The following NXPE2 variants were observed in gnomAD, a reference collection of about 807,000 sequenced individuals.
NXPE2 encodes the protein neurexophilin and PC-esterase domain family member 2.
A neutral mutation model predicts 34.4 loss-of-function variants in NXPE2; 34 were observed. The ratio of observed to expected loss-of-function variants is 0.99; its 90% CI spans 0.75 to 1.31. NXPE2 has a LOEUF of 1.31. Ranked by LOEUF, NXPE2 falls within the 40% of genes most tolerant of loss-of-function variation. NXPE2 has a pLI of 0.00. For synonymous variants in NXPE2, 235 were observed against 231.3 expected (o/e 1.02, Z -0.15); for missense variants, 649 against 672.5 (o/e 0.97, Z 0.39).
At chr11:114,579,122 G>A in the NXPE2 span, among the ~76,000 whole-genome samples, 3 of 152,142 alleles carry the variant, frequency 2.0e-5, no homozygotes, top group African/African-American at 4.8e-5. Context: ...TGGTGAGGCC[G>A]GGAAGCTTTT....
chr11:114,541,007 C>T, the NXPE2 span, among the ~76,000 whole-genome samples: 1 of 151,738 alleles, frequency 6.6e-6, no homozygotes, highest in Non-Finnish European at 1.5e-5. Flanking sequence ...GCTTAGATCT[C>T]TAGCTGACCC....
At chr11:114,652,090 A>C in the NXPE2 span, among the ~76,000 whole-genome samples, 56 of 151,844 alleles carry the variant, frequency 3.7e-4, no homozygotes, top group Non-Finnish European at 7.1e-4. Flanking sequence ...CAATACTTAA[A>C]TTTTTTTTTA....
the NXPE2 span, among the ~76,000 whole-genome samples, chr11:114,622,414 G>A: frequency 6.6e-6 from 1 of 151,962 alleles, no homozygotes; most frequent in Admixed American, 6.6e-5. Context: ...CTGTTACCCG[G>A]TGTATAATAA....
chr11:114,676,724 A>G (rs1369004841), upstream of NXPE2, among the ~76,000 whole-genome samples: 1 of 152,040 alleles, frequency 6.6e-6, no homozygotes, highest in African/African-American at 2.4e-5. Flanking sequence ...TAAAATGGAA[A>G]TACTGTATGA....
chr11:114,577,777 A>G, the NXPE2 span, among the ~76,000 whole-genome samples: 1 of 152,182 alleles, frequency 6.6e-6, no homozygotes, highest in African/African-American at 2.4e-5. Flanking sequence ...TTTACATAAA[A>G]AACAAGTAAA....
chr11:114,760,653 AG>A, the NXPE2 span, among the ~76,000 whole-genome samples: 6 of 152,182 alleles, frequency 3.9e-5, no homozygotes, highest in Non-Finnish European at 1.5e-5. Context: ...GTTCCAACAA[AG>A]GATTCTTGGC....
chr11:114,725,974 A>ATATATATATATATATAT, the NXPE2 span, among the ~76,000 whole-genome samples: 4 of 32,842 alleles, frequency 1.2e-4, no homozygotes, highest in African/African-American at 1.3e-4. Flanking sequence ...TAATAAAAAA[A>ATATATATATATATATAT]AAATATATAT....
the NXPE2 span, among the ~76,000 whole-genome samples, chr11:114,532,802 A>C: frequency 6.6e-6 from 1 of 152,154 alleles, no homozygotes; most frequent in Non-Finnish European, 1.5e-5. Flanking sequence ...GTCATGGTTG[A>C]TTATGGGTGA....
the NXPE2 span, among the ~76,000 whole-genome samples, chr11:114,574,695 T>A: frequency 6.6e-6 from 1 of 151,938 alleles, no homozygotes; most frequent in Admixed American, 6.6e-5. Context: ...GAGATTGAAA[T>A]GATAGTTAAA....
intron 3 of NXPE2, among the ~76,000 whole-genome samples, chr11:114,702,309 G>T (rs1280968433): frequency 3.3e-5 from 5 of 151,182 alleles, no homozygotes; most frequent in Admixed American, 1.3e-4. Context: ...ATTAATACAT[G>T]GTTTTAATCC....
the NXPE2 span, among the ~76,000 whole-genome samples, chr11:114,574,110 T>A: frequency 1.3e-5 from 2 of 152,062 alleles, no homozygotes; most frequent in Non-Finnish European, 1.5e-5. Context: ...TCTTGAATGA[T>A]CATTGAGTCA....
chr11:114,628,324 C>T, the NXPE2 span, among the ~76,000 whole-genome samples: 158 of 152,152 alleles, frequency 1.0e-3, no homozygotes, highest in African/African-American at 3.7e-3. Flanking sequence ...AACTGTCTCT[C>T]AGACCACAGT....
At chr11:114,697,179 A>G (rs978828160) in intron 2 of NXPE2, among the ~76,000 whole-genome samples, 21 of 152,180 alleles carry the variant, frequency 1.4e-4, no homozygotes, top group African/African-American at 5.1e-4. Context: ...TGATGATGTA[A>G]ATAAGTGAAA....
the NXPE2 span, among the ~76,000 whole-genome samples, chr11:114,782,621 C>T: frequency 2.0e-5 from 3 of 152,194 alleles, no homozygotes; most frequent in African/African-American, 7.2e-5. Context: ...AGTAGTTTTT[C>T]CCAAATCCCA....
the NXPE2 span, among the ~76,000 whole-genome samples, chr11:114,765,111 A>G: frequency 2.0e-5 from 3 of 151,998 alleles, no homozygotes; most frequent in African/African-American, 7.2e-5. Context: ...CCTATCTTTG[A>G]TCCTATTATA....
At chr11:114,494,016 T>A in the NXPE2 span, among the ~76,000 whole-genome samples, 1 of 152,180 alleles carries the variant, frequency 6.6e-6, no homozygotes, top group African/African-American at 2.4e-5. Flanking sequence ...CTGAATATGT[T>A]ATGCCACTCA....
chr11:114,733,787 C>T, the NXPE2 span, among the ~76,000 whole-genome samples: 27,439 of 152,036 alleles, frequency 0.18, 2,952 homozygotes, highest in East Asian at 0.43. Flanking sequence ...TCTTTCTAAC[C>T]CCCTACATCC....
At chr11:114,612,269 G>T in the NXPE2 span, among the ~76,000 whole-genome samples, 4 of 151,902 alleles carry the variant, frequency 2.6e-5, no homozygotes, top group Non-Finnish European at 1.5e-5. Context: ...TGCCTCTTCA[G>T]TAACCACTAT....
chr11:114,625,115 A>G, the NXPE2 span, among the ~76,000 whole-genome samples: 1 of 151,532 alleles, frequency 6.6e-6, no homozygotes, highest in Admixed American at 6.6e-5. Context: ...GTATTGCCTC[A>G]TGGGTAACCA....
Sources: gnomAD v4.1 joint callset for allele counts (sites outside exome capture counted in the v4.1 genomes callset) on GRCh38, gnomAD v4.1.1 for gene constraint, MANE v1.5 for transcripts, NCBI Gene and HGNC (gene_info 2026-07-23, HGNC 2026-07-21) for gene names.